The following RNF123 variants were observed in gnomAD, a reference collection of about 807,000 sequenced individuals.
RNF123 encodes the protein E3 ubiquitin-protein ligase RNF123.
A neutral mutation model predicts 168.5 loss-of-function variants in RNF123; 86 were observed. The ratio of observed to expected loss-of-function variants is 0.51; its 90% CI spans 0.43 to 0.61. RNF123 has a LOEUF of 0.61. Among genes scored for constraint, RNF123 ranks in the 20% least tolerant of loss-of-function variants. The probability of loss-of-function intolerance (pLI) is 0.00; values close to 1 mark genes in which losing one functional copy is unlikely to be tolerated. For synonymous variants in RNF123, 666 were observed against 689.1 expected (o/e 0.97, Z 0.52); for missense variants, 1,419 against 1,729.7 (o/e 0.82, Z 3.19).
chr3:49,713,639 T>TG, intron 28 of RNF123, 52 bp downstream of exon 28: 1 of 1,584,284 alleles, frequency 6.3e-7, no homozygotes, highest in Non-Finnish European at 8.6e-7. Context: ...ATGGCACCTC[T>TG]GGTCGGCTTT....
chr3:49,718,818 C>A, intron 35 of RNF123: 2 of 1,613,358 alleles, frequency 1.2e-6, no homozygotes, highest in Non-Finnish European at 1.7e-6. Flanking sequence ...GGTTGTTGTG[C>A]AAGTAGAGGC....
chr3:49,703,475 T>G lies in RNF123; in HGVS notation c.1799T>G (p.Phe600Cys), dbSNP rs766712085. 2 of 1,613,862 alleles carry G rather than the reference T, an allele frequency of 1.2e-6. No individual in the cohort carries two copies. The highest frequency in any genetic ancestry group is 1.1e-5 in the South Asian group (1 of 91,074). Residue 600 changes from phenylalanine to cysteine, a missense_variant, in exon 21 of 39, where the codon TTT becomes TGT. Physicochemically the swap from Phe to Cys is radical, Grantham distance 205. Coordinates refer to ENST00000327697, the MANE Select transcript of RNF123 (RefSeq NM_022064.5). ...TTCTATAATGGCAAGGTGGACTACT[T>G]TGACCTGCAGCGCCTGGGGGGCCTC... is the stretch of plus-strand genomic sequence containing the variant. The part of the protein sequence containing the change: ...QVFYNGKVDY[F>C]DLQRLGGLLS...
intron 21 of RNF123, 47 bp from the exon 22 acceptor site, chr3:49,704,603 C>T (rs2054474161): frequency 2.0e-6 from 3 of 1,506,124 alleles, no homozygotes; most frequent in African/African-American, 2.7e-5. Flanking sequence ...CCACTGTGGC[C>T]CCTTGCGCCA....
chr3:49,716,719 T>C (rs2080251840), intron 35 of RNF123: 1 of 495,134 alleles, frequency 2.0e-6, no homozygotes, highest in Admixed American at 3.5e-5. Context: ...AGCCACTGGC[T>C]TGTGGCCATG....
At position 49,704,984 on chromosome 3, in the gene RNF123, C is replaced by T. The variant is rs151244822; in HGVS notation, c.1960C>T (p.Arg654Cys). Residue 654 changes from arginine (R) to cysteine (C), a missense_variant and splice_region_variant, in exon 23 of 39, where the codon CGC becomes TGC. Around this residue, in one of 5 missense-constraint regions of RNF123, gnomAD observed 538 missense variants for 708.8 expected, o/e 0.76. Transcript: ENST00000327697. Reference sequence around the variant, plus strand: ...TCCTGGCCGCCTTTCTTCACTGCAGCGCCCCATGCAGGCCCTGGCTGTTGG... The same window carrying T: ...TCCTGGCCGCCTTTCTTCACTGCAGTGCCCCATGCAGGCCCTGGCTGTTGG... ...DEEPAPAMAQ[R>C]PMQALAVGGP... 32 of 1,601,514 alleles carry T rather than the reference C, an allele frequency of 2.0e-5. No individual in the cohort carries two copies. The highest frequency in any genetic ancestry group is 2.7e-5 in the African/African-American group (2 of 74,830).
At chr3:49,707,609 G>A (rs1644862445) in intron 26 of RNF123, among the ~76,000 whole-genome samples, 1 of 152,146 alleles carries the variant, frequency 6.6e-6, no homozygotes, top group African/African-American at 2.4e-5. Context: ...AGGTGCCCAG[G>A]TCAGGGTATC....
At chr3:49,718,341 G>C (rs759945468) in intron 35 of RNF123, 8 of 1,613,390 alleles carry the variant, frequency 5.0e-6, no homozygotes, top group Admixed American at 1.7e-5. Flanking sequence ...CGGGCTCTGG[G>C]CGCGGAAAGT....
chr3:49,698,158 C>T (rs781126505), intron 7 of RNF123, 21 bp downstream of exon 7: 5 of 1,606,082 alleles, frequency 3.1e-6, no homozygotes, highest in Non-Finnish European at 4.3e-6. Flanking sequence ...GGGAGGGGAC[C>T]CCTCCCTGGG....
In RNF123 at chr3:49,704,739, G is replaced by C. The variant is rs1473622138; in HGVS notation, c.1942G>C (p.Ala648Pro). 6.3e-7 allele frequency: 1 copy of C among 1,583,712 alleles called. No homozygotes were observed. The highest frequency in any genetic ancestry group is 1.3e-5 in the African/African-American group (1 of 74,568). ...TGACCTAGATGAGGATGAGGAGCCA[G>C]CCCCAGCTATGGCCCAGGTGCCGCA... ...MDDLDEDEEPAPAMAQRPMQA... is the reference protein window; with the variant it reads ...MDDLDEDEEPPPAMAQRPMQA... The change falls in exon 22 of 39, where the codon GCC (alanine) becomes CCC (proline). Residue 648 changes from alanine (A) to proline (P), a missense_variant. By Grantham distance (27) the Ala-to-Pro change is conservative. This residue lies in a region of RNF123 where 538 missense variants were observed against 708.8 expected (regional missense o/e 0.76). Transcript: ENST00000327697.
In RNF123 at chr3:49,716,381, C is replaced by T. The variant is rs778527423; in HGVS notation, c.3416-12C>T. Reference sequence around the variant, plus strand: ...TGTGGGTGGCTCATCTCTTTCCTCCCCTTCCCCTCAGGCCTAGAGAGCGTG... The same window carrying T: ...TGTGGGTGGCTCATCTCTTTCCTCCTCTTCCCCTCAGGCCTAGAGAGCGTG... On this transcript the variant is annotated splice_polypyrimidine_tract_variant and intron_variant, in intron 34 of 38. Coordinates refer to ENST00000327697, the MANE Select transcript of RNF123 (RefSeq NM_022064.5). 1.9e-6 allele frequency: 3 copies of T among 1,612,526 alleles called. No homozygotes were observed. Among genetic ancestry groups the T allele is most frequent in the East Asian group, 2.2e-5 (1 of 44,868 alleles).
In RNF123 at chr3:49,706,656, AG is replaced by A. The variant is rs1234205785; in HGVS notation, c.2389-133del. On this transcript the variant is annotated intron_variant, in intron 25 of 38. Transcript: ENST00000327697. ...TCACCAGAGGGTCAGTGGCAGAAGA[AG>A]GTTTTGAAAAATGGAGCCCAATCCC... 5 of 709,626 alleles carry A rather than the reference AG, an allele frequency of 7.0e-6. No individual in the cohort carries two copies. In the African/African-American group the frequency reaches 8.8e-5, roughly 12 times the overall value. The allele number at this position is 709,626 out of a possible 1,614,324, so 44.0% of individuals were successfully genotyped here.
In RNF123 at chr3:49,718,628, C is replaced by A. The variant is rs764614754; in HGVS notation, c.3501-1883C>A. On this transcript the variant is annotated intron_variant, in intron 35 of 38. Transcript: ENST00000327697. ...AGGTGCTCTTCCGGCCGCTCTAGGC[C>A]AAGAGCTGGGGCCGACGAGCAGTTC... 2.5e-6 allele frequency: 4 copies of A among 1,613,006 alleles called. No homozygotes were observed. In the Admixed American group the frequency reaches 6.7e-5, roughly 27 times the overall value.
At chr3:49,711,764 G>C (rs1210651724) in intron 26 of RNF123, among the ~76,000 whole-genome samples, 3 of 152,068 alleles carry the variant, frequency 2.0e-5, no homozygotes, top group African/African-American at 7.2e-5. Flanking sequence ...ACCACATTGT[G>C]GGGAGCAGGG....
At chr3:49,717,971 C>G (rs762469829) in intron 35 of RNF123, 1 of 1,613,108 alleles carries the variant, frequency 6.2e-7, no homozygotes, top group South Asian at 1.1e-5. Context: ...ATGGGACCCT[C>G]GGAGCCTATG....
chr3:49,712,613 C>T lies in RNF123; in HGVS notation c.2631C>T (p.Leu877=). 6.2e-7 allele frequency: 1 copy of T among 1,614,190 alleles called. No homozygotes were observed. Among genetic ancestry groups the T allele is most frequent in the Non-Finnish European group, 8.5e-7 (1 of 1,180,026 alleles). ...TGGCCATCAACAGCTACAGTGCTCT[C>T]AAGAATTACTTTGGTCCCGTGCACA... is the stretch of plus-strand genomic sequence containing the variant. ...LSVAINSYSA[L]KNYFGPVHSM... is the part of the protein sequence containing the mutation. The change falls in exon 27 of 39, where the codon CTC becomes CTT. Residue 877 remains leucine (L), a synonymous_variant. Transcript: ENST00000327697.
intron 3 of RNF123, among the ~76,000 whole-genome samples, chr3:49,696,296 T>C (rs2054265752): frequency 6.6e-6 from 1 of 152,112 alleles, no homozygotes; most frequent in Non-Finnish European, 1.5e-5. Flanking sequence ...ATCTCTAACA[T>C]AAGTCACTAT....
intron 35 of RNF123, chr3:49,718,844 C>G (rs764721956): frequency 6.2e-7 from 1 of 1,613,416 alleles, no homozygotes; most frequent in South Asian, 1.1e-5. Context: ...TTGAGGAAGG[C>G]CGGCAGCGCG....
rs776340029 is a variant in RNF123 at position 49,699,779 on chromosome 3, G to A, written c.984+7G>A. The A allele has an allele frequency of 1.1e-5, 17 of 1,612,128 alleles. No homozygotes were observed. The highest frequency in any genetic ancestry group is 3.3e-5 in the Admixed American group (2 of 60,006). On this transcript the variant is annotated splice_region_variant and intron_variant, in intron 12 of 38. Transcript: ENST00000327697. This position sits in a 1 kb window ranked among gnomAD's most constrained non-coding sequence, Gnocchi z 4.8. ...TCACTTTGCACCGCTTCTGGTGAGC[G>A]GCATTGGGAGGGGCATGGGAGGGGA... is the stretch of plus-strand genomic sequence containing the variant.
At chr3:49,717,995 C>T (rs2080282424) in intron 35 of RNF123, 3 of 1,613,644 alleles carry the variant, frequency 1.9e-6, no homozygotes, top group South Asian at 1.1e-5. Context: ...CTGGCGGACT[C>T]AGAGCCAGCC....
Sources: gnomAD v4.1 joint callset for allele counts (sites outside exome capture counted in the v4.1 genomes callset) on GRCh38, gnomAD v4.1.1 for gene constraint, gnomAD v4.1.1 regional missense constraint, Gnocchi (gnomAD v3.1) non-coding constraint, MANE v1.5 for transcripts, NCBI Gene and HGNC (gene_info 2026-07-23, HGNC 2026-07-21) for gene names.